Variants in FOXK1 observed in about 807,000 individuals in gnomAD.
The protein encoded by FOXK1 is forkhead box K1, also known as forkhead box protein K1.
Under a neutral mutation model 51.9 loss-of-function variants are expected in FOXK1, and 19 were observed. That is an observed-to-expected ratio of 0.37 (90% CI 0.26 to 0.54). The LOEUF (loss-of-function observed/expected upper bound fraction) is 0.54. Among genes scored for constraint, FOXK1 ranks in the 20% least tolerant of loss-of-function variants. The pLI, the probability that FOXK1 is intolerant of heterozygous loss-of-function variation, is 0.87. For synonymous variants in FOXK1, 537 were observed against 482.6 expected (o/e 1.11, Z -1.48); for missense variants, 870 against 1,032.7 (o/e 0.84, Z 2.16).
intron 3 of FOXK1, chr7:4,754,996 A>G (rs1394904291): frequency 1.7e-6 from 1 of 574,850 alleles, no homozygotes; most frequent in Non-Finnish European, 3.1e-6. Flanking sequence ...TTTCTGGAAG[A>G]GGTGAGAAAT....
In FOXK1 at chr7:4,768,418, C is replaced by T. The variant is rs1196165390; in HGVS notation, c.*5954C>T. On this transcript the variant is annotated 3_prime_UTR_variant, in exon 9 of 9. Transcript: ENST00000328914. ...AAGTGCTGGGATTACAGGCGTGAGC[C>T]ACCGCGCCCGGCCCACTGACTTCTT... 1 of 138,408 alleles carries T rather than the reference C, an allele frequency of 7.2e-6. No individual in the cohort carries two copies. Among genetic ancestry groups the T allele is most frequent in the African/African-American group, 3.4e-5 (1 of 29,188 alleles). The allele number at this position is 138,408 out of a possible 1,614,324, so 8.6% of individuals were successfully genotyped here. A position where few individuals can be genotyped will look rare whatever the true frequency, so the allele number is the denominator to read the frequency against.
At position 4,760,579 on chromosome 7, in the gene FOXK1, G is replaced by A. The variant is rs140057513; in HGVS notation, c.1697-485G>A. On this transcript the variant is annotated intron_variant, in intron 7 of 8. Transcript: ENST00000328914. ...TAAAATACTGTTCTAGGCCGGGCGC[G>A]GTGGCTCACGCCTGTAATCCCAGCA... Among the ~76,000 whole-genome samples the A allele has an allele frequency of 5.3e-5, 8 of 152,314 alleles. No individual in the cohort carries two copies. In the East Asian group the frequency reaches 1.5e-3, roughly 29 times the overall value.
chr7:4,756,954 G>T lies in FOXK1; in HGVS notation c.1051-40G>T. On this transcript the variant is annotated intron_variant, in intron 4 of 8. Coordinates refer to ENST00000328914, the MANE Select transcript of FOXK1 (RefSeq NM_001037165.2). The surrounding 1 kb of genome is among the most constrained non-coding windows in gnomAD (Gnocchi z 4.1). ...TTGAGGTGGGTGGGACTCATTTTCT[G>T]ATTTGCTGGTGATGGGTGAATATCT... 6.2e-7 allele frequency: 1 copy of T among 1,601,380 alleles called. No individual in the cohort carries two copies. Among genetic ancestry groups the T allele is most frequent in the East Asian group, 2.2e-5 (1 of 44,722 alleles).
chr7:4,704,834 C>CTTT (rs775099211), intron 1 of FOXK1, among the ~76,000 whole-genome samples: 4 of 131,404 alleles, frequency 3.0e-5, no homozygotes, highest in African/African-American at 1.3e-4. Context: ...ATGTTTCATT[C>CTTT]TTTTTTTTTT....
In FOXK1 at chr7:4,717,075, G is replaced by A. The variant is rs140492456; in HGVS notation, c.561-23763G>A. 2.0e-3 allele frequency among the ~76,000 whole-genome samples: 300 copies of A among 150,240 alleles called. 2 individuals are homozygous for A. Among genetic ancestry groups the A allele is most frequent in the African/African-American group, 7.1e-3 (290 of 40,806 alleles). ...GAGGTGGCTGGGAGGCGTGTGGCTG[G>A]AATGTGGTGGCGGGAGGCACGTGGT... On this transcript the variant is annotated intron_variant, in intron 1 of 8. Transcript: ENST00000328914.
intron 1 of FOXK1, among the ~76,000 whole-genome samples, chr7:4,727,271 C>T (rs1349662666): frequency 6.6e-6 from 1 of 151,976 alleles, no homozygotes; most frequent in East Asian, 1.9e-4. Flanking sequence ...TATAGAATTT[C>T]ATGTTAAGGT....
At chr7:4,719,739 CT>C (rs1780285153) in intron 1 of FOXK1, among the ~76,000 whole-genome samples, 10 of 152,202 alleles carry the variant, frequency 6.6e-5, no homozygotes, top group Admixed American at 6.5e-4. Flanking sequence ...GCTTTGGCCT[CT>C]CAAGGTGCTG....
At position 4,761,520 on chromosome 7, in the gene FOXK1, G is replaced by T. The variant is rs1172255287; in HGVS notation, c.1921+232G>T. ...AGGCAGGCAGATCGCTTGAGCTCAG[G>T]AGTTCGAGACCAGCCCGGGCAACAT... On this transcript the variant is annotated intron_variant, in intron 8 of 8. Transcript: ENST00000328914. The surrounding 1 kb of genome is among the most constrained non-coding windows in gnomAD (Gnocchi z 6.2). Among the ~76,000 whole-genome samples the T allele has an allele frequency of 6.6e-6, 1 of 152,140 alleles. No individual in the cohort carries two copies. The highest frequency in any genetic ancestry group is 1.5e-5 in the Non-Finnish European group (1 of 68,030).
Position 4,762,652 on chromosome 7 carries a change from C to T in FOXK1, c.*188C>T. On this transcript the variant is annotated 3_prime_UTR_variant, in exon 9 of 9. Coordinates refer to ENST00000328914, the MANE Select transcript of FOXK1 (RefSeq NM_001037165.2). The surrounding 1 kb of genome is among the most constrained non-coding windows in gnomAD (Gnocchi z 5.7). ...GCCTTCCCGTGGTTTAAGACAAAAA[C>T]ACATAAACAAGTTCAGACAACTGAT... The T allele has an allele frequency of 1.7e-6, 1 of 598,900 alleles. No individual in the cohort carries two copies. The highest frequency in any genetic ancestry group is 2.9e-6 in the Non-Finnish European group (1 of 339,520). 37.1% of individuals were successfully genotyped at this position (598,900 alleles called of 1,614,324 possible).
rs908785382 is a variant in FOXK1, at chr7:4,761,657, G to A, written c.1921+369G>A. On this transcript the variant is annotated intron_variant, in intron 8 of 8. Transcript: ENST00000328914. This position sits in a 1 kb window ranked among gnomAD's most constrained non-coding sequence, Gnocchi z 6.2. ...GGCTGTAGTCAGCTGTGATTGCTCC[G>A]CTACCTGCCAGCCTGGGTGACTGAG... 2.6e-5 allele frequency among the ~76,000 whole-genome samples: 4 copies of A among 152,086 alleles called. No individual in the cohort carries two copies. The highest frequency in any genetic ancestry group is 2.1e-4 in the South Asian group (1 of 4,826).
At chr7:4,759,687 G>C in intron 7 of FOXK1, 92 bp downstream of exon 7, 1 of 1,389,208 alleles carries the variant, frequency 7.2e-7, no homozygotes, top group Non-Finnish European at 9.6e-7. Context: ...CCTGGGCCTG[G>C]GGCTTGAGGA....
In FOXK1 at chr7:4,766,313, G is replaced by A. The variant is rs370647062; in HGVS notation, c.*3849G>A. 1.3e-5 allele frequency: 2 copies of A among 152,362 alleles called. No homozygotes were observed. Among genetic ancestry groups the A allele is most frequent in the East Asian group, 3.9e-4 (2 of 5,176 alleles). The allele number at this position is 152,362 out of a possible 1,614,324, so 9.4% of individuals were successfully genotyped here. On this transcript the variant is annotated 3_prime_UTR_variant, in exon 9 of 9. Coordinates refer to ENST00000328914, the MANE Select transcript of FOXK1 (RefSeq NM_001037165.2). This position sits in a 1 kb window ranked among gnomAD's most constrained non-coding sequence, Gnocchi z 5.5. ...CCATGCGCTCTGGGTGAAATGAGAC[G>A]CTGGTGTGGGGTCCCCATGTAGAGA... is the stretch of plus-strand genomic sequence containing the variant.
intron 1 of FOXK1, among the ~76,000 whole-genome samples, chr7:4,697,886 G>A (rs146348511): frequency 0.015 from 2,273 of 151,708 alleles, 20 homozygotes; most frequent in Middle Eastern, 0.024. Context: ...GTGCAGTGGC[G>A]TGATCTCAGC....
chr7:4,728,730 GAA>G (rs67143977), intron 1 of FOXK1, among the ~76,000 whole-genome samples: 47 of 103,894 alleles, frequency 4.5e-4, no homozygotes, highest in Middle Eastern at 5.4e-3. Context: ...GTCTCTTTTT[GAA>G]AAAAAAAAAA....
rs567674272 is a variant in FOXK1 at position 4,751,604 on chromosome 7, C to T, written c.747-2855C>T. 1.2e-3 allele frequency among the ~76,000 whole-genome samples: 185 copies of T among 152,326 alleles called. 1 individual carries two copies. The highest frequency in any genetic ancestry group is 4.1e-3 in the African/African-American group (170 of 41,582). On this transcript the variant is annotated intron_variant, in intron 2 of 8. Transcript: ENST00000328914. ...GTATCGGGGGCCTTGGTATCAGGAG[C>T]CTGGTACCAGGCACAGCCCCGTGGC...
rs1360063377 is a variant in FOXK1, at chr7:4,733,446, G to A, written c.561-7392G>A. Among the ~76,000 whole-genome samples, 2 of 152,212 alleles carry A rather than the reference G, an allele frequency of 1.3e-5. No homozygotes were observed. Among genetic ancestry groups the A allele is most frequent in the African/African-American group, 4.8e-5 (2 of 41,460 alleles). On this transcript the variant is annotated intron_variant, in intron 1 of 8. Transcript: ENST00000328914. The surrounding 1 kb of genome is among the most constrained non-coding windows in gnomAD (Gnocchi z 5.0). Reference sequence around the variant, plus strand: ...GGTCCACTGTGGCTGCTCGGCTCCTGCCATCACAGCAGTATCTGGCTGTTG... The same window carrying A: ...GGTCCACTGTGGCTGCTCGGCTCCTACCATCACAGCAGTATCTGGCTGTTG...
At position 4,762,494 on chromosome 7, in the gene FOXK1, C is replaced by G. The variant is rs1231258074; in HGVS notation, c.*30C>G. 24 of 1,518,892 alleles carry G rather than the reference C, an allele frequency of 1.6e-5. No homozygotes were observed. Among genetic ancestry groups the G allele is most frequent in the Non-Finnish European group, 2.1e-5 (24 of 1,127,292 alleles). The allele number at this position is 1,518,892 out of a possible 1,614,324, so 94.1% of individuals were successfully genotyped here. A position where few individuals can be genotyped will look rare whatever the true frequency, so the allele number is the denominator to read the frequency against. On this transcript the variant is annotated 3_prime_UTR_variant, in exon 9 of 9. Transcript: ENST00000328914. This position sits in a 1 kb window ranked among gnomAD's most constrained non-coding sequence, Gnocchi z 5.7. ...ACCTGCAACGCGGGGGAGTGGGACTCACCCAGCGGCGACCCCGAAGCTGGA... is the reference window on the plus strand; with the variant it reads ...ACCTGCAACGCGGGGGAGTGGGACTGACCCAGCGGCGACCCCGAAGCTGGA...
In FOXK1 at chr7:4,682,984, C is replaced by T. The variant is rs1325616705; in HGVS notation, c.560+116C>T. 1.8e-5 allele frequency: 20 copies of T among 1,085,628 alleles called. No individual in the cohort carries two copies. The African/African-American group carries it at 2.2e-4, about 12-fold the overall frequency. 67.2% of individuals were successfully genotyped at this position (1,085,628 alleles called of 1,614,324 possible). ...TTCCTCGGCCTCGACCCCCACCCCC[C>T]GGCCCACCCCCGGTAACCCCCGACC... is the stretch of plus-strand genomic sequence containing the variant. On this transcript the variant is annotated intron_variant, in intron 1 of 8. Transcript: ENST00000328914. This position sits in a 1 kb window ranked among gnomAD's most constrained non-coding sequence, Gnocchi z 7.6.
In FOXK1 at chr7:4,762,901, C is replaced by T; in HGVS notation, c.*437C>T. On this transcript the variant is annotated 3_prime_UTR_variant, in exon 9 of 9. Transcript: ENST00000328914. This position sits in a 1 kb window ranked among gnomAD's most constrained non-coding sequence, Gnocchi z 5.7. ...ACCAAGGCTGCCGGGGAGGCCCGGGCACCGGACAGATGCCTGTTGGGAAGC... is the reference window on the plus strand; with the variant it reads ...ACCAAGGCTGCCGGGGAGGCCCGGGTACCGGACAGATGCCTGTTGGGAAGC... The T allele has an allele frequency of 5.9e-6, 1 of 169,666 alleles. No individual in the cohort carries two copies. Among genetic ancestry groups the T allele is most frequent in the Non-Finnish European group, 1.3e-5 (1 of 78,054 alleles). 10.5% of individuals were successfully genotyped at this position (169,666 alleles called of 1,614,324 possible). A position where few individuals can be genotyped will look rare whatever the true frequency, so the allele number is the denominator to read the frequency against.
Sources: allele counts gnomAD v4.1 joint callset (sites outside exome capture counted in the v4.1 genomes callset), GRCh38; gene constraint gnomAD v4.1.1; non-coding constraint Gnocchi (gnomAD v3.1); transcripts MANE v1.5; gene names NCBI Gene and HGNC (gene_info 2026-07-23, HGNC 2026-07-21).